ACAD10: variants seen among roughly 807,000 people sequenced by gnomAD.
The protein encoded by ACAD10 is acyl-CoA dehydrogenase family member 10.
Under a neutral mutation model 116.8 loss-of-function variants are expected in ACAD10, and 112 were observed. That is an observed-to-expected ratio of 0.96 (90% CI 0.82 to 1.12). The LOEUF (loss-of-function observed/expected upper bound fraction) is 1.12. Ranked by LOEUF, ACAD10 falls within the 50% of genes most tolerant of loss-of-function variation. ACAD10 has a pLI of 0.00. For synonymous variants in ACAD10, 486 were observed against 510.6 expected (o/e 0.95, Z 0.65); for missense variants, 1,259 against 1,350.2 (o/e 0.93, Z 1.06).
chr12:111,710,405 G>A (rs1888641795), intron 5 of ACAD10: 1 of 359,440 alleles, frequency 2.8e-6, no homozygotes, highest in South Asian at 2.0e-5. Flanking sequence ...TTCTATGTTT[G>A]GGTTTTCATC....
chr12:111,706,975 A>G (rs1317878134), intron 4 of ACAD10, among the ~76,000 whole-genome samples: 2 of 148,572 alleles, frequency 1.3e-5, no homozygotes, highest in East Asian at 4.0e-4. Context: ...ACAGGGTTTC[A>G]CCATGTTGGC....
At chr12:111,727,233 T>C (rs946359249) in intron 8 of ACAD10, among the ~76,000 whole-genome samples, 1 of 147,914 alleles carries the variant, frequency 6.8e-6, no homozygotes, top group African/African-American at 2.5e-5. Context: ...CTCAAAAAAA[T>C]AAATAAATAG....
At position 111,705,901 on chromosome 12, in the gene ACAD10, T is replaced by G. The variant is rs374287121; in HGVS notation, c.500T>G (p.Phe167Cys). 2 of 1,614,028 alleles carry G rather than the reference T, an allele frequency of 1.2e-6. No individual in the cohort carries two copies. Among genetic ancestry groups the G allele is most frequent in the African/African-American group, 2.7e-5 (2 of 74,924 alleles). ...NNFYLPNQKS[F>C]LPLDRKQFDV... ...TTTTATCTTCCCAACCAGAAAAGCTTTTTGCCCCTGGACCGGAAACAGTTT... is the reference window on the plus strand; with the variant it reads ...TTTTATCTTCCCAACCAGAAAAGCTGTTTGCCCCTGGACCGGAAACAGTTT... Residue 167 changes from phenylalanine to cysteine, a missense_variant, in exon 4 of 21, where the codon TTT becomes TGT. By Grantham distance (205) the Phe-to-Cys change is radical (BLOSUM62 -2). Coordinates refer to ENST00000313698, the MANE Select transcript of ACAD10 (RefSeq NM_025247.6).
In ACAD10 at chr12:111,736,816, C is replaced by G; in HGVS notation, c.1541-15C>G. 1.2e-6 allele frequency: 2 copies of G among 1,607,882 alleles called. No individual in the cohort carries two copies. Among genetic ancestry groups the G allele is most frequent in the Non-Finnish European group, 8.5e-7 (1 of 1,177,196 alleles). ...CGTCAGTGACTACCCATGAATGGCTCTGTCTTTCTCGCAGGTATTAATGAC... is the reference window on the plus strand; with the variant it reads ...CGTCAGTGACTACCCATGAATGGCTGTGTCTTTCTCGCAGGTATTAATGAC... On this transcript the variant is annotated splice_polypyrimidine_tract_variant and intron_variant, in intron 11 of 20. Transcript: ENST00000313698.
At chr12:111,741,390 G>A (rs1030171840) in intron 12 of ACAD10, among the ~76,000 whole-genome samples, 4 of 152,144 alleles carry the variant, frequency 2.6e-5, no homozygotes, top group Non-Finnish European at 5.9e-5. Flanking sequence ...CCAGTGACCT[G>A]GGAAAAGCTT....
Position 111,733,930 on chromosome 12 carries a change from A to G in ACAD10, c.1402A>G (p.Asn468Asp). Reference protein sequence around the residue: ...TVVHGDFRLDNLVFHPEEPEV... With the variant: ...TVVHGDFRLDDLVFHPEEPEV... The stretch of plus-strand genomic sequence containing the variant: ...CCTCCTGCGACTTTTCAGGCTCGAC[A>G]ACCTGGTGTTTCATCCAGAAGAGCC... Residue 468 changes from asparagine to aspartate, a missense_variant, in exon 11 of 21, where the codon AAC becomes GAC. Coordinates refer to ENST00000313698, the MANE Select transcript of ACAD10 (RefSeq NM_025247.6). 6.2e-7 allele frequency: 1 copy of G among 1,614,182 alleles called. No homozygotes were observed. Among genetic ancestry groups the G allele is most frequent in the South Asian group, 1.1e-5 (1 of 91,088 alleles).
intron 12 of ACAD10, among the ~76,000 whole-genome samples, chr12:111,740,963 G>A (rs1024965781): frequency 5.3e-5 from 8 of 152,090 alleles, no homozygotes; most frequent in Admixed American, 3.3e-4. Context: ...TCTCAGCCAG[G>A]TTGCCAGAGT....
At chr12:111,692,955 G>T (rs1888097441) in intron 2 of ACAD10, 59 bp downstream of exon 2, 4 of 1,576,380 alleles carry the variant, frequency 2.5e-6, no homozygotes, top group Non-Finnish European at 3.5e-6. Context: ...AGAATGGAGG[G>T]TGATCGGGAA....
chr12:111,709,900 A>G, intron 5 of ACAD10: 3 of 550,952 alleles, frequency 5.4e-6, no homozygotes, highest in Non-Finnish European at 9.3e-6. Flanking sequence ...AGGCAGGTTG[A>G]GAAAAGAGAT....
At chr12:111,754,311 TTTTAACCTTTTA>T (rs1396449073) in intron 19 of ACAD10, among the ~76,000 whole-genome samples, 1 of 152,158 alleles carries the variant, frequency 6.6e-6, no homozygotes, top group Non-Finnish European at 1.5e-5. Context: ...CTAAGGCTCT[TTTTAACCTTTTA>T]TTTATTTATT....
In ACAD10 at chr12:111,712,593, G is replaced by C. The variant is rs559456368; in HGVS notation, c.786G>C (p.Thr262=). Residue 262 remains threonine, a synonymous_variant, in exon 6 of 21, where the codon ACG becomes ACC. Coordinates refer to ENST00000313698, the MANE Select transcript of ACAD10 (RefSeq NM_025247.6). ...GVPNTRPVKK[T]MEIPKDSLQK... The stretch of plus-strand genomic sequence containing the variant: ...CAAACACTCGGCCTGTGAAAAAGAC[G>C]ATGGAAATTCCGAAAGATTCCTTGC... The C allele has an allele frequency of 6.2e-7, 1 of 1,614,158 alleles. No homozygotes were observed. Among genetic ancestry groups the C allele is most frequent in the Admixed American group, 1.7e-5 (1 of 60,008 alleles).
chr12:111,723,955 C>T (rs1422058349), intron 8 of ACAD10, among the ~76,000 whole-genome samples: 3 of 150,720 alleles, frequency 2.0e-5, no homozygotes, highest in Admixed American at 1.3e-4. Flanking sequence ...GACGGGGCGG[C>T]GGGGCAGAGG....
intron 11 of ACAD10, among the ~76,000 whole-genome samples, chr12:111,735,518 C>T (rs1051315402): frequency 2.0e-5 from 3 of 150,996 alleles, no homozygotes; most frequent in African/African-American, 4.9e-5. Context: ...TGCAGTGGCG[C>T]GATCTCAGCT....
rs1050001263 is a variant in ACAD10, at chr12:111,756,385, C to T, written c.3092C>T (p.Thr1031Ile). Residue 1031 changes from threonine (T) to isoleucine (I), a missense_variant, in exon 21 of 21, where the codon ACC becomes ATC. By Grantham distance (89) the Thr-to-Ile change is moderately conservative. Transcript: ENST00000313698. ...GACTACCCACTGGCTCAGTTCTTCA[C>T]CTGGGCCCGAGCCCTGCGCTTTGCC... ...SSDYPLAQFF[T>I]WARALRFADG... The T allele has an allele frequency of 6.2e-7, 1 of 1,611,872 alleles. No homozygotes were observed. The highest frequency in any genetic ancestry group is 1.3e-5 in the African/African-American group (1 of 74,930).
intron 8 of ACAD10, among the ~76,000 whole-genome samples, chr12:111,727,514 A>G (rs530175795): frequency 1.3e-5 from 2 of 152,342 alleles, no homozygotes; most frequent in South Asian, 4.1e-4. Flanking sequence ...ACAGAGCGAG[A>G]CTCCGTCTCA....
chr12:111,756,635 G>A lies in ACAD10; in HGVS notation c.*162G>A. On this transcript the variant is annotated 3_prime_UTR_variant, in exon 21 of 21. Coordinates refer to ENST00000313698, the MANE Select transcript of ACAD10 (RefSeq NM_025247.6). ...GACTCAATCTTTCTGGTTCTCCACA[G>A]AAGACGTCTCTGCAAGAAGCCTGGA... 8.5e-7 allele frequency: 1 copy of A among 1,179,838 alleles called. No individual in the cohort carries two copies. The highest frequency in any genetic ancestry group is 1.2e-6 in the Non-Finnish European group (1 of 823,142). 73.1% of individuals were successfully genotyped at this position (1,179,838 alleles called of 1,614,324 possible). A position where few individuals can be genotyped will look rare whatever the true frequency, so the allele number is the denominator to read the frequency against.
chr12:111,730,306 CT>C (rs1889350025), intron 10 of ACAD10, among the ~76,000 whole-genome samples: 1 of 152,162 alleles, frequency 6.6e-6, no homozygotes, highest in South Asian at 2.1e-4. Context: ...TTGAGACCCA[CT>C]GTTTGAAAGT....
chr12:111,744,618 A>G (rs1889835528), intron 12 of ACAD10, 25 bp from the exon 13 acceptor site: 1 of 1,594,246 alleles, frequency 6.3e-7, no homozygotes, highest in Non-Finnish European at 8.6e-7. Flanking sequence ...GGGAGTAATC[A>G]CTGTTTTTCT....
At position 111,749,372 on chromosome 12, in the gene ACAD10, C is replaced by T. The variant is rs781685642; in HGVS notation, c.2817+27C>T. ...TGAGTGCTTTCCCCCGCACCCAGCA[C>T]TGACTCAGAACCACCACCTTCTGCT... On this transcript the variant is annotated intron_variant, in intron 18 of 20. Coordinates refer to ENST00000313698, the MANE Select transcript of ACAD10 (RefSeq NM_025247.6). 7 of 1,593,992 alleles carry T rather than the reference C, an allele frequency of 4.4e-6. No homozygotes were observed. In the South Asian group the frequency reaches 7.7e-5, roughly 18 times the overall value.
Sources: gnomAD v4.1 joint callset for allele counts (sites outside exome capture counted in the v4.1 genomes callset) on GRCh38, gnomAD v4.1.1 for gene constraint, MANE v1.5 for transcripts, NCBI Gene and HGNC (gene_info 2026-07-23, HGNC 2026-07-21) for gene names.